SPAST: variants seen among roughly 807,000 people sequenced by gnomAD.
The protein encoded by SPAST is spastic paraplegia 4 (autosomal dominant; spastin).
A neutral mutation model predicts 76.6 loss-of-function variants in SPAST; 30 were observed. The observed-to-expected ratio is 0.39, with a 90% CI of 0.29 to 0.53. The LOEUF (loss-of-function observed/expected upper bound fraction) is 0.53, where lower values mean the gene tolerates loss of function less well. Ranked by LOEUF, SPAST falls within the 20% of genes least tolerant of loss-of-function variation. The pLI, the probability that SPAST is intolerant of heterozygous loss-of-function variation, is 0.68. For missense variants in SPAST, 717 were observed against 770.5 expected (o/e 0.93, Z 0.82); for synonymous variants, 305 against 281.0 (o/e 1.09, Z -0.86).
chr2:32,107,174 A>G (rs1329283541), intron 4 of SPAST, among the ~76,000 whole-genome samples: 1 of 152,030 alleles, frequency 6.6e-6, no homozygotes, highest in African/African-American at 2.4e-5. Context: ...CTTATTTCAT[A>G]TCCCTAGTAC....
At chr2:32,147,333 TG>T in intron 16 of SPAST, 75 bp downstream of exon 16, 1 of 710,034 alleles carries the variant, frequency 1.4e-6, no homozygotes, top group Non-Finnish European at 2.2e-6. Flanking sequence ...TATATGAATG[TG>T]TGTGTGTGTG....
chr2:32,109,169 C>T (rs1678436496), intron 4 of SPAST, among the ~76,000 whole-genome samples: 1 of 151,958 alleles, frequency 6.6e-6, no homozygotes, highest in African/African-American at 2.4e-5. Context: ...AGTGCAGTGG[C>T]ACGATTTCAG....
rs1205886449 is a variant in SPAST, at chr2:32,063,786, G to T, written c.-46G>T. 6.5e-7 allele frequency: 1 copy of T among 1,544,536 alleles called. No homozygotes were observed. ...TGCCGCCGTCGCTTGGTTCCCGTCG[G>T]TCTGCGGGAGGCGGGTTATGGCGGC... On this transcript the variant is annotated 5_prime_UTR_variant, in exon 1 of 17. Transcript: ENST00000315285.
chr2:32,142,090 G>C (rs989715988), intron 13 of SPAST, 144 bp downstream of exon 13: 5 of 663,966 alleles, frequency 7.5e-6, no homozygotes, highest in Non-Finnish European at 1.3e-5. Flanking sequence ...TAAGCTTACT[G>C]TCAGAGCCAG....
chr2:32,065,468 A>G (rs1000012880), intron 1 of SPAST, among the ~76,000 whole-genome samples: 2 of 152,222 alleles, frequency 1.3e-5, no homozygotes, highest in Admixed American at 6.5e-5. Context: ...TGAAGGTATT[A>G]TTGGTATCAG....
chr2:32,143,652 ATTC>A (rs1228213517), intron 14 of SPAST, among the ~76,000 whole-genome samples: 1 of 152,138 alleles, frequency 6.6e-6, no homozygotes, highest in Non-Finnish European at 1.5e-5. Flanking sequence ...ATGATAGTAT[ATTC>A]TTTTTATAAA....
intron 16 of SPAST, among the ~76,000 whole-genome samples, chr2:32,147,930 C>CTTTT (rs71407420): frequency 1.5e-4 from 17 of 116,432 alleles, no homozygotes; most frequent in South Asian, 3.0e-4. Context: ...TGCGCCCGGC[C>CTTTT]TTTTTTTTTT....
At chr2:32,124,906 G>T (rs1375131724) in intron 7 of SPAST, among the ~76,000 whole-genome samples, 2 of 152,216 alleles carry the variant, frequency 1.3e-5, no homozygotes, top group Admixed American at 6.5e-5. Context: ...AATAGGTGGA[G>T]CACAGTGGAT....
chr2:32,083,445 A>G (rs1047786280), intron 1 of SPAST, among the ~76,000 whole-genome samples: 7 of 151,814 alleles, frequency 4.6e-5, no homozygotes, highest in East Asian at 1.9e-4. Context: ...ACCAGCAAAC[A>G]TAATGAAAGG....
chr2:32,083,774 A>ATTTTTTTTTTTTT (rs1333329179), intron 1 of SPAST, among the ~76,000 whole-genome samples: 1 of 54,390 alleles, frequency 1.8e-5, no homozygotes, highest in Non-Finnish European at 3.4e-5. Flanking sequence ...ATATATATAT[A>ATTTTTTTTTTTTT]TATTTTTTTT....
At position 32,063,985 on chromosome 2, in the gene SPAST, T is replaced by C; in HGVS notation, c.154T>C (p.Tyr52His). The change falls in exon 1 of 17, where the codon TAT becomes CAT. Residue 52 changes from tyrosine (Y) to histidine (H), a missense_variant. Transcript: ENST00000315285. ...GTCGCCGCATAAGCGGAACCTGTAC[T>C]ATTTCTCCTACCCGCTGTTTGTAGG... ...PESPHKRNLYYFSYPLFVGFA... is the reference protein window; with the variant it reads ...PESPHKRNLYHFSYPLFVGFA... 1 of 1,613,128 alleles carries C rather than the reference T, an allele frequency of 6.2e-7. No homozygotes were observed. The highest frequency in any genetic ancestry group is 8.5e-7 in the Non-Finnish European group (1 of 1,179,416).
chr2:32,138,985 AT>A (rs1320804314), intron 12 of SPAST, among the ~76,000 whole-genome samples: 2 of 151,812 alleles, frequency 1.3e-5, no homozygotes, highest in Admixed American at 6.6e-5. Context: ...GTGTGGCTTT[AT>A]TTCTCAATTT....
intron 1 of SPAST, 23 bp downstream of exon 1, chr2:32,064,269 GGGCGGCGGCGCCGGGAAGAAGGCGGT>G: frequency 6.6e-7 from 1 of 1,513,960 alleles, no homozygotes; most frequent in Non-Finnish European, 8.9e-7. Flanking sequence ...CTGGGGGAGG[GGGCGGCGGCGCCGGGAAGAAGGCGGT>G]GGGGTCGCCG....
chr2:32,101,669 A>T (rs1678131258), intron 4 of SPAST, among the ~76,000 whole-genome samples: 1 of 152,130 alleles, frequency 6.6e-6, no homozygotes, highest in Admixed American at 6.6e-5. Context: ...TAAGGAAGGG[A>T]TCCAGTTTCA....
At chr2:32,081,684 T>C (rs1288426415) in intron 1 of SPAST, among the ~76,000 whole-genome samples, 1 of 145,690 alleles carries the variant, frequency 6.9e-6, no homozygotes, top group East Asian at 2.1e-4. Flanking sequence ...CTCAGGAGGC[T>C]GAGGCAGGAA....
intron 4 of SPAST, among the ~76,000 whole-genome samples, chr2:32,107,327 C>G (rs1678363043): frequency 6.6e-6 from 1 of 152,066 alleles, no homozygotes; most frequent in Non-Finnish European, 1.5e-5. Context: ...CCGCAGCCTC[C>G]CCTAACCCCA....
chr2:32,143,526 C>G (rs867111995), intron 14 of SPAST, 111 bp downstream of exon 14: 1 of 713,514 alleles, frequency 1.4e-6, no homozygotes, highest in Non-Finnish European at 2.5e-6. Context: ...ATTCATTGAT[C>G]AGAAGACTTT....
intron 7 of SPAST, among the ~76,000 whole-genome samples, chr2:32,125,620 A>C (rs1412654817): frequency 6.6e-6 from 1 of 152,008 alleles, no homozygotes; most frequent in Non-Finnish European, 1.5e-5. Flanking sequence ...AGATGTTTTC[A>C]GTCTGGAGCT....
rs1553314880 is a variant in SPAST at position 32,114,671 on chromosome 2, T to G, written c.716T>G (p.Leu239Ter). ...GCTGTTCCAAAAAGAAAAGACCCCT[T>G]AACACACACTAGTAATTCACTGCCT... ...SGAVPKRKDPLTHTSNSLPRS... is the reference protein window; with the variant it reads ...SGAVPKRKDP Residue 239 changes from leucine (L) to a stop codon, truncating the protein, a stop_gained, in exon 5 of 17, where the codon TTA becomes TGA. Coordinates refer to ENST00000315285, the MANE Select transcript of SPAST (RefSeq NM_014946.4). LOFTEE classifies it high-confidence loss of function. 6.2e-7 allele frequency: 1 copy of G among 1,614,172 alleles called. No individual in the cohort carries two copies. Among genetic ancestry groups the G allele is most frequent in the Non-Finnish European group, 8.5e-7 (1 of 1,180,018 alleles).
Sources: allele counts gnomAD v4.1 joint callset (sites outside exome capture counted in the v4.1 genomes callset), GRCh38; gene constraint gnomAD v4.1.1; transcripts MANE v1.5; gene names NCBI Gene and HGNC (gene_info 2026-07-23, HGNC 2026-07-21).